The following MYCBP2 variants were observed in gnomAD, a reference collection of about 807,000 sequenced individuals.
MYCBP2 encodes the protein MYC binding protein 2, also known as E3 ubiquitin-protein ligase MYCBP2.
Under a neutral mutation model 525.3 loss-of-function variants are expected in MYCBP2, and 120 were observed. The ratio of observed to expected loss-of-function variants is 0.23; its 90% CI spans 0.20 to 0.27. MYCBP2 has a LOEUF of 0.27. Among genes scored for constraint, MYCBP2 ranks in the 10% least tolerant of loss-of-function variants. The probability of loss-of-function intolerance (pLI) is 1.00; values close to 1 mark genes in which losing one functional copy is unlikely to be tolerated. For missense variants in MYCBP2, 4,149 were observed against 5,657.1 expected, an observed-to-expected ratio of 0.73 and a Z score of 8.55; for synonymous variants, 1,894 against 1,955.8, an observed-to-expected ratio of 0.97 and a Z score of 0.83.
intron 52 of MYCBP2, among the ~76,000 whole-genome samples, chr13:77,131,493 C>A (rs1038301275): frequency 3.2e-5 from 3 of 93,888 alleles, no homozygotes; most frequent in Non-Finnish European, 7.3e-5. Context: ...CTCAAACACA[C>A]ACACACACAC....
At chr13:77,124,976 T>G (rs954864934) in intron 54 of MYCBP2, among the ~76,000 whole-genome samples, 1 of 152,198 alleles carries the variant, frequency 6.6e-6, no homozygotes, top group African/African-American at 2.4e-5. Context: ...GGAGAAGTAC[T>G]GAGATTGGTA....
At chr13:77,177,627 C>G in intron 35 of MYCBP2, 121 bp downstream of exon 35, 1 of 830,208 alleles carries the variant, frequency 1.2e-6, no homozygotes, top group South Asian at 1.7e-5. Context: ...CAGTCTTTTT[C>G]AATTTCTTTA....
At position 77,260,173 on chromosome 13, in the gene MYCBP2, A is replaced by G. The variant is rs571635739; in HGVS notation, c.2017+255T>C. ...ATAAGCACCTGAGTCTAGGGAAAAC[A>G]TCCACAGAAGTCACAGCTACAGCGA... is the stretch of plus-strand genomic sequence containing the variant. On this transcript the variant is annotated intron_variant, in intron 13 of 82. Transcript: ENST00000544440. 9.2e-5 allele frequency among the ~76,000 whole-genome samples: 14 copies of G among 152,334 alleles called. No individual in the cohort carries two copies. In the South Asian group the frequency reaches 2.9e-3, roughly 32 times the overall value.
intron 26 of MYCBP2, among the ~76,000 whole-genome samples, chr13:77,203,578 G>A (rs1172524885): frequency 2.4e-4 from 36 of 152,230 alleles, no homozygotes; most frequent in Admixed American, 2.0e-3. Context: ...AAAAGAGCCC[G>A]CAAGACCAAG....
chr13:77,313,571 CT>C (rs2080536382), intron 1 of MYCBP2, among the ~76,000 whole-genome samples: 1 of 151,898 alleles, frequency 6.6e-6, no homozygotes, highest in African/African-American at 2.4e-5. Flanking sequence ...AACTTTTTAG[CT>C]ACAACACCAA....
At chr13:77,084,572 T>C (rs2043890081) in intron 62 of MYCBP2, among the ~76,000 whole-genome samples, 1 of 152,116 alleles carries the variant, frequency 6.6e-6, no homozygotes, top group African/African-American at 2.4e-5. Context: ...TTGCCCTTGA[T>C]TTTAGGCACT....
chr13:77,140,009 G>T, intron 51 of MYCBP2, 38 bp downstream of exon 51: 2 of 1,437,372 alleles, frequency 1.4e-6, no homozygotes, highest in Non-Finnish European at 1.9e-6. Context: ...AAAACTTTCT[G>T]TCCAAAATTT....
At chr13:77,165,932 G>A (rs373166671) in intron 41 of MYCBP2, among the ~76,000 whole-genome samples, 41 of 152,084 alleles carry the variant, frequency 2.7e-4, no homozygotes, top group African/African-American at 8.5e-4. Context: ...ACAAGAAAGT[G>A]GTTTACGAAT....
At chr13:77,166,274 A>AT (rs1491463956) in intron 41 of MYCBP2, 55 bp downstream of exon 41, 14 of 1,231,742 alleles carry the variant, frequency 1.1e-5, no homozygotes, top group Middle Eastern at 2.1e-4. Flanking sequence ...CCCTTACTAA[A>AT]TATACATAAA....
chr13:77,132,393 T>C (rs991825203), intron 52 of MYCBP2, among the ~76,000 whole-genome samples: 2 of 152,122 alleles, frequency 1.3e-5, no homozygotes, highest in Non-Finnish European at 2.9e-5. Context: ...TTAACCCAGG[T>C]GAAGCTATAC....
At position 77,281,850 on chromosome 13, in the gene MYCBP2, A is replaced by G. The variant is rs188869085; in HGVS notation, c.595-2939T>C. ...ATTTAATAATTAATTCTTTACCCTT[A>G]AAAATTGTATCTTGTTTAGTTAAAA... On this transcript the variant is annotated intron_variant, in intron 3 of 82. Transcript: ENST00000544440. 7.9e-4 allele frequency among the ~76,000 whole-genome samples: 121 copies of G among 152,322 alleles called. 1 individual carries two copies. Among genetic ancestry groups the G allele is most frequent in the Middle Eastern group, 6.8e-3 (2 of 294 alleles).
At chr13:77,074,858 G>A (rs1026618675) in intron 68 of MYCBP2, among the ~76,000 whole-genome samples, 2 of 152,174 alleles carry the variant, frequency 1.3e-5, no homozygotes, top group African/African-American at 4.8e-5. Context: ...TAAGTGTGAG[G>A]TTGGGGGATT....
intron 58 of MYCBP2, among the ~76,000 whole-genome samples, chr13:77,094,418 T>A (rs948394960): frequency 6.6e-6 from 1 of 152,302 alleles, no homozygotes. Context: ...GCTTCCACAT[T>A]CCACAGTGAT....
chr13:77,214,410 A>G (rs1480372946), intron 21 of MYCBP2, among the ~76,000 whole-genome samples: 1 of 152,126 alleles, frequency 6.6e-6, no homozygotes, highest in African/African-American at 2.4e-5. Flanking sequence ...CTGAATGAAT[A>G]AACTATCATA....
chr13:77,146,161 C>A lies in MYCBP2; in HGVS notation c.7187+1G>T. ...TTATACTTTGAGAAAACGATCCTTA[C>A]CTCTTAGGAGTTGGTGATGCAAAAC... On this transcript the variant is annotated splice_donor_variant, in intron 48 of 82. Coordinates refer to ENST00000544440, the MANE Select transcript of MYCBP2 (RefSeq NM_015057.5). LOFTEE classifies it high-confidence loss of function. 6.3e-7 allele frequency: 1 copy of A among 1,584,370 alleles called. No homozygotes were observed. Among genetic ancestry groups the A allele is most frequent in the Non-Finnish European group, 8.6e-7 (1 of 1,166,388 alleles).
chr13:77,211,970 C>G lies in MYCBP2; in HGVS notation c.3248G>C (p.Ser1083Thr). The G allele has an allele frequency of 6.2e-7, 1 of 1,613,794 alleles. No homozygotes were observed. The highest frequency in any genetic ancestry group is 8.5e-7 in the Non-Finnish European group (1 of 1,179,774). ...TCTGGTATTACCTATTATGTGTTTA[C>G]TGGCAAAAATTTCTGATGTAGCAAG... Reference protein sequence around the residue: ...HVLATSEIFASKHIIGLVPAS... With the variant: ...HVLATSEIFATKHIIGLVPAS... Residue 1083 changes from serine to threonine, a missense_variant, in exon 22 of 83, where the codon AGT becomes ACT. By Grantham distance (58) the Ser-to-Thr change is moderately conservative. This residue lies in a region of MYCBP2 where 620 missense variants were observed against 795.5 expected (regional missense o/e 0.78). Coordinates refer to ENST00000544440, the MANE Select transcript of MYCBP2 (RefSeq NM_015057.5).
Position 77,267,834 on chromosome 13 carries a change from A to C in MYCBP2, c.1357+7T>G. On this transcript the variant is annotated splice_region_variant and intron_variant, in intron 8 of 82. Coordinates refer to ENST00000544440, the MANE Select transcript of MYCBP2 (RefSeq NM_015057.5). The stretch of plus-strand genomic sequence containing the variant: ...TTGTGGAGAAAAAATGACTACTTGA[A>C]ACATACCTGGTAACATCACAGTACC... The C allele has an allele frequency of 1.2e-6, 2 of 1,608,026 alleles. No individual in the cohort carries two copies. The highest frequency in any genetic ancestry group is 1.7e-6 in the Non-Finnish European group (2 of 1,174,886).
At chr13:77,236,041 T>C (rs939126838) in intron 17 of MYCBP2, among the ~76,000 whole-genome samples, 1 of 152,160 alleles carries the variant, frequency 6.6e-6, no homozygotes, top group African/African-American at 2.4e-5. Context: ...ATCTGATCTG[T>C]ATTGCAGAAT....
At chr13:77,249,937 T>A (rs573659753) in intron 15 of MYCBP2, among the ~76,000 whole-genome samples, 237 of 152,264 alleles carry the variant, frequency 1.6e-3, no homozygotes, top group African/African-American at 5.4e-3. Flanking sequence ...TTTTTAAAAG[T>A]TCATGGCCGG....
Sources: allele counts gnomAD v4.1 joint callset (sites outside exome capture counted in the v4.1 genomes callset), GRCh38; gene constraint gnomAD v4.1.1; regional missense constraint gnomAD v4.1.1; transcripts MANE v1.5; gene names NCBI Gene and HGNC (gene_info 2026-07-23, HGNC 2026-07-21).